GALNTL6: variants seen among roughly 807,000 people sequenced by gnomAD.
GALNTL6 encodes polypeptide N-acetylgalactosaminyltransferase-like 6.
In GALNTL6, 46 loss-of-function variants were observed where a neutral mutation model predicts 73.7. That is an observed-to-expected ratio of 0.62 (90% confidence interval 0.49 to 0.80). The LOEUF (loss-of-function observed/expected upper bound fraction) is 0.80, where lower values mean the gene tolerates loss of function less well. Among genes scored for constraint, GALNTL6 ranks in the 30% least tolerant of loss-of-function variants. GALNTL6 has a pLI of 0.00. For missense variants in GALNTL6, 604 were observed against 755.0 expected, an observed-to-expected ratio of 0.80 and a Z score of 2.34; for synonymous variants, 259 against 263.7, an observed-to-expected ratio of 0.98 and a Z score of 0.17.
At chr4:172,012,841 T>C (rs755202361) in intron 2 of GALNTL6, among the ~76,000 whole-genome samples, 1 of 152,104 alleles carries the variant, frequency 6.6e-6, no homozygotes, top group African/African-American at 2.4e-5. Flanking sequence ...ATTTTAAGTG[T>C]ACAATGCGAT....
chr4:172,406,399 T>C (rs114139876), intron 5 of GALNTL6, among the ~76,000 whole-genome samples: 2,516 of 152,056 alleles, frequency 0.017, 62 homozygotes, highest in African/African-American at 0.057. Context: ...CAAAAATGCA[T>C]ATGCATGCTA....
chr4:172,497,208 T>A (rs1294667953), intron 5 of GALNTL6, among the ~76,000 whole-genome samples: 1 of 152,228 alleles, frequency 6.6e-6, no homozygotes, highest in African/African-American at 2.4e-5. Flanking sequence ...CAGCAGTCAA[T>A]GAATAAGTAT....
intron 2 of GALNTL6, among the ~76,000 whole-genome samples, chr4:171,881,173 C>T (rs886768508): frequency 6.6e-6 from 1 of 152,232 alleles, no homozygotes; most frequent in African/African-American, 2.4e-5. Flanking sequence ...ACCTGCCCAT[C>T]AGAAGACGGA....
chr4:171,851,009 T>C (rs1281786898), intron 2 of GALNTL6, among the ~76,000 whole-genome samples: 1 of 152,224 alleles, frequency 6.6e-6, no homozygotes, highest in Non-Finnish European at 1.5e-5. Flanking sequence ...TTCACTTTTC[T>C]GTTTGTGAGC....
At position 172,263,652 on chromosome 4, in the gene GALNTL6, A is replaced by G. The variant is rs369291082; in HGVS notation, c.247+33888A>G. Among the ~76,000 whole-genome samples, 6 of 151,412 alleles carry G rather than the reference A, an allele frequency of 4.0e-5. No homozygotes were observed. The South Asian group carries it at 1.2e-3, about 32-fold the overall frequency. ...ATTCTAGAAGTTCTATTTTTCCCCA[A>G]TATTTCTGATTTATATCTATATATA... On this transcript the variant is annotated intron_variant, in intron 3 of 12. Coordinates refer to ENST00000506823, the MANE Select transcript of GALNTL6 (RefSeq NM_001034845.3).
chr4:171,855,057 A>G (rs1357678744), intron 2 of GALNTL6, among the ~76,000 whole-genome samples: 1 of 147,914 alleles, frequency 6.8e-6, no homozygotes, highest in Non-Finnish European at 1.5e-5. Flanking sequence ...CCTTTCCCTT[A>G]TTATTAGCAT....
At chr4:172,251,952 A>C (rs143448713) in intron 3 of GALNTL6, among the ~76,000 whole-genome samples, 120 of 152,308 alleles carry the variant, frequency 7.9e-4, no homozygotes, top group Non-Finnish European at 1.3e-4. Flanking sequence ...GATTTATAGA[A>C]TTTATAGCAA....
At chr4:172,702,278 C>T (rs930988686) in intron 5 of GALNTL6, among the ~76,000 whole-genome samples, 3 of 152,006 alleles carry the variant, frequency 2.0e-5, no homozygotes, top group African/African-American at 4.8e-5. Flanking sequence ...TTTGTTTATA[C>T]ATTATTTTCA....
At chr4:172,450,472 A>T (rs1448866611) in intron 5 of GALNTL6, among the ~76,000 whole-genome samples, 1 of 152,186 alleles carries the variant, frequency 6.6e-6, no homozygotes, top group Admixed American at 6.5e-5. Flanking sequence ...ACAGCATCAC[A>T]ATTTAATTCC....
intron 5 of GALNTL6, among the ~76,000 whole-genome samples, chr4:172,722,577 A>C (rs1043416236): frequency 1.3e-5 from 2 of 152,094 alleles, no homozygotes; most frequent in African/African-American, 4.8e-5. Context: ...ATGCATGTGA[A>C]TATACACAGT....
chr4:171,936,085 G>A (rs1738337152), intron 2 of GALNTL6, among the ~76,000 whole-genome samples: 1 of 152,168 alleles, frequency 6.6e-6, no homozygotes, highest in Non-Finnish European at 1.5e-5. Flanking sequence ...TCTCCAGGTT[G>A]AAATACCAGT....
chr4:172,116,783 G>A (rs1732995944), intron 2 of GALNTL6, among the ~76,000 whole-genome samples: 1 of 152,118 alleles, frequency 6.6e-6, no homozygotes, highest in African/African-American at 2.4e-5. Context: ...AAAGTTAAAA[G>A]TGAAAATATT....
intron 5 of GALNTL6, among the ~76,000 whole-genome samples, chr4:172,713,630 CA>C (rs1348029857): frequency 6.6e-6 from 1 of 152,080 alleles, no homozygotes; most frequent in African/African-American, 2.4e-5. Context: ...TTCTTTTTAT[CA>C]GAAAGTAATA....
intron 2 of GALNTL6, among the ~76,000 whole-genome samples, chr4:171,938,355 C>A (rs1428291475): frequency 6.6e-6 from 1 of 152,126 alleles, no homozygotes; most frequent in East Asian, 1.9e-4. Context: ...TTCAACTTTT[C>A]TCCCACACTT....
chr4:172,113,812 T>C (rs183901132), intron 2 of GALNTL6, among the ~76,000 whole-genome samples: 71 of 152,214 alleles, frequency 4.7e-4, no homozygotes, highest in African/African-American at 1.7e-3. Context: ...ACGATGCTTT[T>C]TGATGATCAG....
chr4:172,428,338 T>C (rs1297634400), intron 5 of GALNTL6, among the ~76,000 whole-genome samples: 1 of 152,142 alleles, frequency 6.6e-6, no homozygotes, highest in African/African-American at 2.4e-5. Flanking sequence ...TGAATGTGTA[T>C]GAAAAATACA....
At chr4:172,348,771 A>G in intron 5 of GALNTL6, 82 bp downstream of exon 5, 1 of 847,148 alleles carries the variant, frequency 1.2e-6, no homozygotes, top group South Asian at 2.6e-5. Flanking sequence ...AGACAATGGG[A>G]GCTTCTTTCT....
At chr4:172,693,690 A>G (rs1733466888) in intron 5 of GALNTL6, among the ~76,000 whole-genome samples, 1 of 152,150 alleles carries the variant, frequency 6.6e-6, no homozygotes, top group Admixed American at 6.5e-5. Context: ...GGTGTTCCTC[A>G]AAACAGCTGA....
chr4:171,819,399 G>A (rs549747718), intron 2 of GALNTL6, among the ~76,000 whole-genome samples: 3 of 152,024 alleles, frequency 2.0e-5, no homozygotes, highest in South Asian at 4.2e-4. Flanking sequence ...TTCACAATCT[G>A]GTCAAAAAAA....
Sources: allele counts gnomAD v4.1 joint callset (sites outside exome capture counted in the v4.1 genomes callset), GRCh38; gene constraint gnomAD v4.1.1; transcripts MANE v1.5; gene names NCBI Gene and HGNC (gene_info 2026-07-23, HGNC 2026-07-21).